Variants in PDZRN3 observed in about 807,000 individuals in gnomAD.
PDZRN3 encodes E3 ubiquitin-protein ligase PDZRN3.
PDZRN3 carries 38 observed loss-of-function variants against 85.7 expected under a neutral mutation model. The ratio of observed to expected loss-of-function variants is 0.44; its 90% confidence interval spans 0.34 to 0.58. The LOEUF is 0.58. Ranked by LOEUF, PDZRN3 falls within the 20% of genes least tolerant of loss-of-function variation. The pLI is 0.01. For missense variants in PDZRN3, 1,629 were observed against 1,506.4 expected, an observed-to-expected ratio of 1.08 and a Z score of -1.35; for synonymous variants, 759 against 638.0, an observed-to-expected ratio of 1.19 and a Z score of -2.86.
chr3:73,551,260 G>A (rs1051874793), intron 3 of PDZRN3, among the ~76,000 whole-genome samples: 12 of 152,170 alleles, frequency 7.9e-5, no homozygotes, highest in Non-Finnish European at 1.5e-4. Flanking sequence ...TCTTGGATGA[G>A]CTTTGAAATA....
chr3:73,394,174 C>T (rs1701588677), intron 5 of PDZRN3, among the ~76,000 whole-genome samples: 1 of 152,194 alleles, frequency 6.6e-6, no homozygotes, highest in South Asian at 2.1e-4. Context: ...ACGCTTCCTT[C>T]CTTACACACT....
At chr3:73,385,562 G>T in intron 9 of PDZRN3, 107 bp downstream of exon 9, 1 of 695,166 alleles carries the variant, frequency 1.4e-6, no homozygotes, top group Non-Finnish European at 2.5e-6. Context: ...TGCCTTCCAG[G>T]TGGATGGACT....
chr3:73,489,763 G>A (rs544947156), intron 3 of PDZRN3, among the ~76,000 whole-genome samples: 1 of 151,952 alleles, frequency 6.6e-6, no homozygotes, highest in Non-Finnish European at 1.5e-5. Flanking sequence ...AGTAGAGATG[G>A]TGTTTCATCA....
intron 3 of PDZRN3, among the ~76,000 whole-genome samples, chr3:73,540,953 T>C (rs536731602): frequency 6.6e-6 from 1 of 152,322 alleles, no homozygotes; most frequent in East Asian, 1.9e-4. Context: ...GTTTACCCAA[T>C]TCTTAAACTA....
chr3:73,448,459 G>T (rs1405002652), intron 3 of PDZRN3, among the ~76,000 whole-genome samples: 1 of 152,178 alleles, frequency 6.6e-6, no homozygotes, highest in Admixed American at 6.5e-5. Context: ...TCAGCGTCTG[G>T]TGTAATTAAA....
chr3:73,399,436 T>C (rs1701706399), intron 5 of PDZRN3, among the ~76,000 whole-genome samples: 1 of 152,178 alleles, frequency 6.6e-6, no homozygotes, highest in Admixed American at 6.5e-5. Flanking sequence ...TCTAGGTAGA[T>C]AGTCAAGATT....
At chr3:73,516,389 C>T (rs945783989) in intron 3 of PDZRN3, among the ~76,000 whole-genome samples, 1 of 152,124 alleles carries the variant, frequency 6.6e-6, no homozygotes, top group Non-Finnish European at 1.5e-5. Flanking sequence ...GCCTATTATC[C>T]AACTGTTACA....
rs13315201 is a variant in PDZRN3, at chr3:73,432,880, G to C, written c.919-28485C>G. ...TTAGGAGAAAATCCTTACCTGCCAA[G>C]GTAGGTTACCAACAGCAGTATTAAA... On this transcript the variant is annotated intron_variant, in intron 3 of 9. Transcript: ENST00000263666. 2.8e-3 allele frequency among the ~76,000 whole-genome samples: 419 copies of C among 151,970 alleles called. 1 individual carries two copies. The highest frequency in any genetic ancestry group is 8.5e-3 in the African/African-American group (353 of 41,460).
At chr3:73,423,860 A>G (rs1252405839) in intron 3 of PDZRN3, among the ~76,000 whole-genome samples, 1 of 152,198 alleles carries the variant, frequency 6.6e-6, no homozygotes, top group Non-Finnish European at 1.5e-5. Flanking sequence ...TAAATGTCAA[A>G]TAAGTTTTAA....
At chr3:73,607,392 C>T (rs768661325) in intron 2 of PDZRN3, among the ~76,000 whole-genome samples, 25 of 152,150 alleles carry the variant, frequency 1.6e-4, no homozygotes, top group African/African-American at 3.9e-4. Context: ...TCAGCTCCAA[C>T]GGCCCCTCCC....
In PDZRN3 at chr3:73,494,086, G is replaced by A. The variant is rs539501903; in HGVS notation, c.919-89691C>T. Among the ~76,000 whole-genome samples the A allele has an allele frequency of 3.9e-5, 6 of 152,220 alleles. 1 individual carries two copies. The highest frequency in any genetic ancestry group is 1.4e-4 in the African/African-American group (6 of 41,532). Reference sequence around the variant, plus strand: ...GCCAATGAATTGTCATTTGCTTTTCGCTATGTTTTGTTTTCTGCTGAGGCC... The same window carrying A: ...GCCAATGAATTGTCATTTGCTTTTCACTATGTTTTGTTTTCTGCTGAGGCC... On this transcript the variant is annotated intron_variant, in intron 3 of 9. Transcript: ENST00000263666.
At chr3:73,446,267 A>G (rs1702746538) in intron 3 of PDZRN3, among the ~76,000 whole-genome samples, 1 of 152,082 alleles carries the variant, frequency 6.6e-6, no homozygotes, top group African/African-American at 2.4e-5. Context: ...ATTTCAGGAA[A>G]AGGAATAAAT....
At chr3:73,428,914 A>T (rs1433462110) in intron 3 of PDZRN3, among the ~76,000 whole-genome samples, 1 of 151,376 alleles carries the variant, frequency 6.6e-6, no homozygotes, top group African/African-American at 2.4e-5. Context: ...TCCCCCAGAG[A>T]AGGGGTCTTG....
At chr3:73,516,193 A>C (rs1704252887) in intron 3 of PDZRN3, among the ~76,000 whole-genome samples, 1 of 152,122 alleles carries the variant, frequency 6.6e-6, no homozygotes, top group East Asian at 1.9e-4. Context: ...GTGTGCATGT[A>C]TGTGTGCCTG....
At chr3:73,497,192 TTCTG>T (rs1703883219) in intron 3 of PDZRN3, among the ~76,000 whole-genome samples, 1 of 152,342 alleles carries the variant, frequency 6.6e-6, no homozygotes, top group African/African-American at 2.4e-5. Context: ...TGCTTCCCTG[TTCTG>T]TCTGCTTTTT....
intron 3 of PDZRN3, among the ~76,000 whole-genome samples, chr3:73,512,418 T>G (rs1704183683): frequency 6.6e-6 from 1 of 152,242 alleles, no homozygotes; most frequent in Admixed American, 6.5e-5. Flanking sequence ...TACACGCTAC[T>G]AGGCATCCAC....
chr3:73,499,704 C>T (rs778049302), intron 3 of PDZRN3, among the ~76,000 whole-genome samples: 2 of 152,148 alleles, frequency 1.3e-5, no homozygotes, highest in Non-Finnish European at 2.9e-5. Flanking sequence ...GTGGTTGGGT[C>T]TTCTGTTAGA....
intron 3 of PDZRN3, among the ~76,000 whole-genome samples, chr3:73,518,220 A>G (rs1179255160): frequency 6.6e-6 from 1 of 152,242 alleles, no homozygotes; most frequent in East Asian, 1.9e-4. Flanking sequence ...AAGAATGTTG[A>G]GGACCTTACA....
In PDZRN3 at chr3:73,544,389, A is replaced by AT. The variant is rs372427385; in HGVS notation, c.918+57964dup. On this transcript the variant is annotated intron_variant, in intron 3 of 9. Transcript: ENST00000263666. ...ATTTTGAACTGTTACGTATTTTTGG[A>AT]TTTTTTTTTTCCTATTAAGCCTTTA... is the stretch of plus-strand genomic sequence containing the variant. Among the ~76,000 whole-genome samples, 410 of 150,036 alleles carry AT rather than the reference A, an allele frequency of 2.7e-3. 2 individuals carry two copies. The highest frequency in any genetic ancestry group is 7.8e-3 in the African/African-American group (318 of 40,928).
Sources: allele counts gnomAD v4.1 joint callset (sites outside exome capture counted in the v4.1 genomes callset), GRCh38; gene constraint gnomAD v4.1.1; transcripts MANE v1.5; gene names NCBI Gene and HGNC (gene_info 2026-07-23, HGNC 2026-07-21).